Variants in NELL1 observed in about 807,000 individuals in gnomAD.
NELL1 encodes protein kinase C-binding protein NELL1.
NELL1 carries 76 observed loss-of-function variants against 107.4 expected under a neutral mutation model. The ratio of observed to expected loss-of-function variants is 0.71; its 90% confidence interval spans 0.59 to 0.86. NELL1 has a LOEUF of 0.86. Among genes scored for constraint, NELL1 ranks in the 40% least tolerant of loss-of-function variants. The pLI, the probability that NELL1 is intolerant of heterozygous loss-of-function variation, is 0.00. For synonymous variants in NELL1, 353 were observed against 341.2 expected, an observed-to-expected ratio of 1.03 and a Z score of -0.38; for missense variants, 1,024 against 1,005.5, an observed-to-expected ratio of 1.02 and a Z score of -0.25.
At chr11:21,512,935 T>C (rs939273890) in intron 15 of NELL1, among the ~76,000 whole-genome samples, 4 of 152,160 alleles carry the variant, frequency 2.6e-5, no homozygotes, top group African/African-American at 9.7e-5. Flanking sequence ...TCAGCAGATA[T>C]TTGATGGGTT....
chr11:21,450,481 A>G (rs1025265074), intron 15 of NELL1, among the ~76,000 whole-genome samples: 3 of 152,252 alleles, frequency 2.0e-5, no homozygotes, highest in African/African-American at 7.2e-5. Context: ...CTGAGGTATA[A>G]CGTTGTATAA....
chr11:21,111,735 T>G (rs1435344876), intron 12 of NELL1, among the ~76,000 whole-genome samples: 3 of 152,098 alleles, frequency 2.0e-5, no homozygotes, highest in Non-Finnish European at 4.4e-5. Flanking sequence ...ATCATGAGAT[T>G]AATTTAAACC....
intron 12 of NELL1, among the ~76,000 whole-genome samples, chr11:21,111,817 T>G (rs1855114930): frequency 6.6e-6 from 1 of 152,068 alleles, no homozygotes; most frequent in Non-Finnish European, 1.5e-5. Context: ...CTGGTAATAT[T>G]TTATGAACAA....
At chr11:20,835,022 G>A (rs188691951) in intron 3 of NELL1, among the ~76,000 whole-genome samples, 11 of 152,190 alleles carry the variant, frequency 7.2e-5, no homozygotes, top group East Asian at 3.9e-4. Flanking sequence ...TGTGTACATC[G>A]TCAGTGCTGT....
At chr11:21,106,239 T>C (rs1339497565) in intron 12 of NELL1, among the ~76,000 whole-genome samples, 1 of 152,062 alleles carries the variant, frequency 6.6e-6, no homozygotes, top group African/African-American at 2.4e-5. Context: ...ACTCCTCTCC[T>C]GGCAGTCCAG....
At chr11:20,960,649 C>T (rs1351038462) in intron 12 of NELL1, 89 bp downstream of exon 12, 1 of 1,456,304 alleles carries the variant, frequency 6.9e-7, no homozygotes, top group Non-Finnish European at 9.5e-7. Flanking sequence ...AAAACTATCA[C>T]TTGGCTGTGG....
chr11:21,472,154 T>A (rs201423680), intron 15 of NELL1, among the ~76,000 whole-genome samples: 1 of 2,370 alleles, frequency 4.2e-4, no homozygotes, highest in Non-Finnish European at 7.5e-4. Context: ...TGTTTTGTTT[T>A]GTTTGTTTGT....
At chr11:20,843,514 C>T (rs1302371959) in intron 3 of NELL1, among the ~76,000 whole-genome samples, 2 of 132,156 alleles carry the variant, frequency 1.5e-5, no homozygotes, top group African/African-American at 5.1e-5. Context: ...CTAATTCATC[C>T]AGCAATAATC....
chr11:21,232,174 AT>A, intron 14 of NELL1, among the ~76,000 whole-genome samples: 1 of 126,090 alleles, frequency 7.9e-6, no homozygotes, highest in South Asian at 2.6e-4. Flanking sequence ...ATATATATAT[AT>A]ATAAATTAGC....
rs548401114 is a variant in NELL1, at chr11:21,492,469, C to A, written c.1646-41905C>A. Among the ~76,000 whole-genome samples the A allele has an allele frequency of 3.0e-3, 452 of 151,920 alleles. 1 individual carries two copies. Among genetic ancestry groups the A allele is most frequent in the African/African-American group, 0.01 (428 of 41,404 alleles). ...CACGTATGTTTATTGCGGCACTATT[C>A]ACAATAGCAAAGACTTGGAACCAAC... On this transcript the variant is annotated intron_variant, in intron 15 of 19. Coordinates refer to ENST00000357134, the MANE Select transcript of NELL1 (RefSeq NM_006157.5).
chr11:21,489,417 A>AAAAAAAAAAAAAAAAAAAAC (rs1554922057), intron 15 of NELL1, among the ~76,000 whole-genome samples: 2 of 149,638 alleles, frequency 1.3e-5, no homozygotes, highest in Non-Finnish European at 3.0e-5. Flanking sequence ...AACAGAAGAA[A>AAAAAAAAAAAAAAAAAAAAC]AGGGAACTCT....
chr11:21,456,231 G>T (rs1853731310), intron 15 of NELL1, among the ~76,000 whole-genome samples: 1 of 151,914 alleles, frequency 6.6e-6, no homozygotes, highest in Non-Finnish European at 1.5e-5. Flanking sequence ...TTTGTATGTT[G>T]TATTGCTTGA....
At chr11:20,744,582 C>T (rs1455011801) in intron 2 of NELL1, among the ~76,000 whole-genome samples, 2 of 152,220 alleles carry the variant, frequency 1.3e-5, no homozygotes, top group Admixed American at 6.5e-5. Flanking sequence ...CTCAAATCTG[C>T]TCCATAGGTG....
intron 5 of NELL1, among the ~76,000 whole-genome samples, chr11:20,904,631 A>G (rs910904224): frequency 6.6e-6 from 1 of 152,056 alleles, no homozygotes. Flanking sequence ...TAAGGTCAGA[A>G]AAGACTTGAG....
chr11:20,792,604 G>A (rs1364858176), intron 3 of NELL1, among the ~76,000 whole-genome samples: 1 of 151,858 alleles, frequency 6.6e-6, no homozygotes, highest in Non-Finnish European at 1.5e-5. Flanking sequence ...TTTTCAGTGT[G>A]CATTTTGAGA....
At chr11:20,674,559 A>T in intron 1 of NELL1, 1 of 1,530,044 alleles carries the variant, frequency 6.5e-7, no homozygotes, top group South Asian at 1.2e-5. Context: ...TGCTTCAGCA[A>T]TCCCTTCAGG....
intron 1 of NELL1, among the ~76,000 whole-genome samples, chr11:20,675,395 A>C (rs1854028571): frequency 6.6e-6 from 1 of 152,128 alleles, no homozygotes; most frequent in Admixed American, 6.5e-5. Flanking sequence ...ATCTCATACT[A>C]TCCCCAGATA....
At chr11:21,273,715 C>T (rs1848791617) in intron 14 of NELL1, among the ~76,000 whole-genome samples, 1 of 152,202 alleles carries the variant, frequency 6.6e-6, no homozygotes, top group Non-Finnish European at 1.5e-5. Flanking sequence ...TCGGCAGAAA[C>T]TCTACAAGCC....
At chr11:20,831,711 C>G (rs1214656889) in intron 3 of NELL1, among the ~76,000 whole-genome samples, 1 of 152,024 alleles carries the variant, frequency 6.6e-6, no homozygotes, top group Non-Finnish European at 1.5e-5. Context: ...TTCAAGTTTG[C>G]CCAAAATAAA....
Sources: allele counts gnomAD v4.1 joint callset (sites outside exome capture counted in the v4.1 genomes callset), GRCh38; gene constraint gnomAD v4.1.1; transcripts MANE v1.5; gene names NCBI Gene and HGNC (gene_info 2026-07-23, HGNC 2026-07-21).